The following APBB2 variants were observed in gnomAD, a reference collection of about 807,000 sequenced individuals.
APBB2 encodes the protein amyloid beta precursor protein binding family B member 2.
APBB2 carries 38 observed loss-of-function variants against 82.5 expected under a neutral mutation model. The ratio of observed to expected loss-of-function variants is 0.46; its 90% confidence interval spans 0.36 to 0.60. APBB2 has a LOEUF of 0.60. Ranked by LOEUF, APBB2 falls within the 20% of genes least tolerant of loss-of-function variation. The pLI is 0.00. For synonymous variants in APBB2, 341 were observed against 368.2 expected (o/e 0.93, Z 0.85); for missense variants, 772 against 972.3 (o/e 0.79, Z 2.74).
chr4:41,112,754 C>A (rs1206295027), intron 2 of APBB2, among the ~76,000 whole-genome samples: 1 of 152,218 alleles, frequency 6.6e-6, no homozygotes, highest in African/African-American at 2.4e-5. Context: ...CTTTGGGAGG[C>A]CAAGGCGGGT....
At chr4:41,008,638 T>C (rs1358654194) in intron 6 of APBB2, among the ~76,000 whole-genome samples, 1 of 152,360 alleles carries the variant, frequency 6.6e-6, no homozygotes, top group East Asian at 1.9e-4. Flanking sequence ...CTGTCTCTAA[T>C]ATAATAATCA....
chr4:40,923,796 G>A (rs6830637), intron 10 of APBB2, among the ~76,000 whole-genome samples: 74,033 of 152,106 alleles, frequency 0.49, 18,086 homozygotes, highest in South Asian at 0.6. Flanking sequence ...TTCAAAACTC[G>A]GGGACTCACA....
At chr4:41,166,443 T>C (rs1488474359) in intron 1 of APBB2, among the ~76,000 whole-genome samples, 1 of 151,692 alleles carries the variant, frequency 6.6e-6, no homozygotes, top group African/African-American at 2.4e-5. Context: ...CCAGGCATAG[T>C]GGCATGTACC....
At chr4:40,907,345 T>TTATATA (rs1560860217) in intron 10 of APBB2, among the ~76,000 whole-genome samples, 39 of 104,968 alleles carry the variant, frequency 3.7e-4, no homozygotes, top group African/African-American at 6.7e-4. Context: ...ATTTAATATA[T>TTATATA]TACATATATA....
chr4:40,970,351 G>A (rs1280514705), intron 6 of APBB2, among the ~76,000 whole-genome samples: 7 of 152,210 alleles, frequency 4.6e-5, no homozygotes, highest in South Asian at 2.1e-4. Context: ...CACTGCACTC[G>A]ATGCCCCGTT....
At chr4:41,213,722 G>A (rs1335503169) in intron 1 of APBB2, among the ~76,000 whole-genome samples, 2 of 152,194 alleles carry the variant, frequency 1.3e-5, no homozygotes, top group Non-Finnish European at 2.9e-5. Flanking sequence ...GGGCTTTCGG[G>A]TCCCAGTGGC....
chr4:41,121,893 T>G (rs1316014447), intron 2 of APBB2, among the ~76,000 whole-genome samples: 3 of 150,282 alleles, frequency 2.0e-5, no homozygotes, highest in Admixed American at 6.6e-5. Context: ...CCTTTTTTGG[T>G]TGTGTGTGTG....
At chr4:40,869,165 A>T (rs962692658) in intron 12 of APBB2, among the ~76,000 whole-genome samples, 2 of 151,544 alleles carry the variant, frequency 1.3e-5, no homozygotes, top group African/African-American at 4.8e-5. Context: ...AGTAGCTGGG[A>T]TTACAGGCAC....
chr4:40,891,236 C>G (rs544704324), intron 11 of APBB2, among the ~76,000 whole-genome samples: 1 of 152,302 alleles, frequency 6.6e-6, no homozygotes, highest in South Asian at 2.1e-4. Flanking sequence ...TCAACTCCTG[C>G]ACTATCTTTC....
chr4:41,149,318 A>G (rs1014783465), intron 1 of APBB2, among the ~76,000 whole-genome samples: 1 of 152,294 alleles, frequency 6.6e-6, no homozygotes, highest in Admixed American at 6.5e-5. Context: ...ACTAAACTCA[A>G]GTTCAACTTT....
At chr4:41,117,289 A>ATTT (rs1560796246) in intron 2 of APBB2, among the ~76,000 whole-genome samples, 1 of 133,662 alleles carries the variant, frequency 7.5e-6, no homozygotes, top group African/African-American at 2.8e-5. Flanking sequence ...TGTTATTATT[A>ATTT]TTATTATTTT....
rs543830966 is a variant in APBB2, at chr4:40,935,343, T to G, written c.1045-204A>C. ...CCTGAAGACGAGGGCAGGAGAGTGA[T>G]GGTGCTTTAATTACTTACCAAATAA... On this transcript the variant is annotated intron_variant, in intron 7 of 17. Transcript: ENST00000508593. 3.5e-5 allele frequency: 18 copies of G among 518,098 alleles called. No individual in the cohort carries two copies. In the East Asian group the frequency reaches 5.6e-4, roughly 16 times the overall value. 32.1% of individuals were successfully genotyped at this position (518,098 alleles called of 1,614,324 possible).
chr4:40,817,180 G>A (rs1050647183), intron 17 of APBB2, among the ~76,000 whole-genome samples: 1 of 152,140 alleles, frequency 6.6e-6, no homozygotes, highest in Non-Finnish European at 1.5e-5. Context: ...GGCTGAGGGA[G>A]GCGGATCACT....
chr4:41,145,244 G>A (rs1467934287), intron 1 of APBB2, among the ~76,000 whole-genome samples: 2 of 152,104 alleles, frequency 1.3e-5, no homozygotes, highest in Non-Finnish European at 2.9e-5. Flanking sequence ...AAAAACACAA[G>A]ACACAATGGT....
chr4:41,171,904 C>T lies in APBB2; in HGVS notation c.-416-28762G>A, dbSNP rs186704382. Among the ~76,000 whole-genome samples the T allele has an allele frequency of 4.9e-3, 742 of 152,172 alleles. 7 individuals are homozygous for T. Among genetic ancestry groups the T allele is most frequent in the Non-Finnish European group, 7.8e-3 (532 of 68,008 alleles). ...CTGAGGTCAGGAGTTTGAGACCAGCCTGGCCAATATGGTGAAACCCCATCT... is the reference window on the plus strand; with the variant it reads ...CTGAGGTCAGGAGTTTGAGACCAGCTTGGCCAATATGGTGAAACCCCATCT... On this transcript the variant is annotated intron_variant, in intron 1 of 17. Coordinates refer to ENST00000508593, the MANE Select transcript of APBB2 (RefSeq NM_004307.2).
rs1553937454 is a variant in APBB2 at position 40,849,889 on chromosome 4, T to TG, written c.1530-19313_1530-19312insC. 3.3e-5 allele frequency among the ~76,000 whole-genome samples: 5 copies of TG among 151,998 alleles called. No homozygotes were observed. The South Asian group carries it at 1.0e-3, about 32-fold the overall frequency. On this transcript the variant is annotated intron_variant, in intron 12 of 17. Transcript: ENST00000508593. Reference sequence around the variant, plus strand: ...ATTACTCGGCGCCACCACACCCAGCTATTTTTGTATTTTTAGTAGAGACGG... The same window carrying TG: ...ATTACTCGGCGCCACCACACCCAGCTGATTTTTGTATTTTTAGTAGAGACGG...
chr4:41,051,357 A>C (rs549632517), intron 4 of APBB2, among the ~76,000 whole-genome samples: 1 of 152,366 alleles, frequency 6.6e-6, no homozygotes, highest in South Asian at 2.1e-4. Context: ...GGACACACTT[A>C]CATGGATCTC....
At chr4:41,199,796 T>C (rs906626434) in intron 1 of APBB2, among the ~76,000 whole-genome samples, 1 of 152,146 alleles carries the variant, frequency 6.6e-6, no homozygotes. Context: ...GCTTCACTGT[T>C]CTTCCGGTGT....
At chr4:41,082,190 A>G (rs948640871) in intron 3 of APBB2, among the ~76,000 whole-genome samples, 1 of 152,232 alleles carries the variant, frequency 6.6e-6, no homozygotes, top group Non-Finnish European at 1.5e-5. Context: ...AAAACGTAAC[A>G]TGGTATGTCC....
Sources: gnomAD v4.1 joint callset for allele counts (sites outside exome capture counted in the v4.1 genomes callset) on GRCh38, gnomAD v4.1.1 for gene constraint, MANE v1.5 for transcripts, NCBI Gene and HGNC (gene_info 2026-07-23, HGNC 2026-07-21) for gene names.